GRIK1: variants seen among roughly 807,000 people sequenced by gnomAD.
The protein encoded by GRIK1 is glutamate receptor ionotropic, kainate 1.
GRIK1 carries 69 observed loss-of-function variants against 105.7 expected under a neutral mutation model. The observed-to-expected ratio is 0.65, with a 90% confidence interval of 0.54 to 0.80. The LOEUF (loss-of-function observed/expected upper bound fraction) is 0.80, where lower values mean the gene tolerates loss of function less well. GRIK1 is among the 30% of genes least tolerant of loss of function. The pLI is 0.00. For missense variants in GRIK1, 1,109 were observed against 1,167.3 expected (o/e 0.95, Z 0.73); for synonymous variants, 438 against 431.3 (o/e 1.02, Z -0.19).
At chr21:29,675,366 C>G (rs1370270732) in intron 3 of GRIK1, among the ~76,000 whole-genome samples, 1 of 151,568 alleles carries the variant, frequency 6.6e-6, no homozygotes, top group Non-Finnish European at 1.5e-5. Flanking sequence ...TTTGCAATCA[C>G]ATAGATTTTT....
intron 7 of GRIK1, among the ~76,000 whole-genome samples, chr21:29,601,427 T>C (rs1473831807): frequency 1.3e-5 from 2 of 152,204 alleles, no homozygotes; most frequent in South Asian, 2.1e-4. Context: ...TTTGTATATA[T>C]ATCCTATTGT....
chr21:29,857,336 T>A (rs972656321), intron 1 of GRIK1, among the ~76,000 whole-genome samples: 1 of 152,208 alleles, frequency 6.6e-6, no homozygotes, highest in African/African-American at 2.4e-5. Flanking sequence ...TCCCATGATT[T>A]CACACTGCCT....
intron 1 of GRIK1, among the ~76,000 whole-genome samples, chr21:29,791,653 G>A (rs1257916279): frequency 6.6e-6 from 1 of 152,146 alleles, no homozygotes; most frequent in Admixed American, 6.5e-5. Flanking sequence ...TATTCTTAAG[G>A]TGGGCAGGCA....
At position 29,834,063 on chromosome 21, in the gene GRIK1, T is replaced by C. The variant is rs2067713196; in HGVS notation, c.118+105320A>G. Among the ~76,000 whole-genome samples the C allele has an allele frequency of 2.0e-5, 3 of 152,064 alleles. No homozygotes were observed. The South Asian group carries it at 6.2e-4, about 31-fold the overall frequency. Reference sequence around the variant, plus strand: ...AAGGGTTTATTGCAAACCTATCACATAGTAAACTCTTAAGGTAGGTTTATT... The same window carrying C: ...AAGGGTTTATTGCAAACCTATCACACAGTAAACTCTTAAGGTAGGTTTATT... On this transcript the variant is annotated intron_variant, in intron 1 of 17. Transcript: ENST00000327783.
chr21:29,765,284 C>A (rs1321274870), intron 1 of GRIK1, among the ~76,000 whole-genome samples: 2 of 152,026 alleles, frequency 1.3e-5, no homozygotes, highest in Non-Finnish European at 2.9e-5. Flanking sequence ...ATAAGAAAAT[C>A]TAATATGTCT....
intron 4 of GRIK1, among the ~76,000 whole-genome samples, chr21:29,667,443 AT>A (rs1289858853): frequency 6.6e-6 from 1 of 152,002 alleles, no homozygotes; most frequent in Non-Finnish European, 1.5e-5. Flanking sequence ...ATTGAAAGAG[AT>A]TTAAAAAAAA....
intron 1 of GRIK1, among the ~76,000 whole-genome samples, chr21:29,851,075 G>A (rs1239547362): frequency 6.7e-6 from 1 of 148,636 alleles, no homozygotes; most frequent in Non-Finnish European, 1.5e-5. Flanking sequence ...TTTTTCTTGA[G>A]ATGGAGTCTC....
intron 1 of GRIK1, among the ~76,000 whole-genome samples, chr21:29,732,003 G>T (rs1309197368): frequency 6.6e-6 from 1 of 152,126 alleles, no homozygotes. Context: ...ACTAGATTGT[G>T]TTCATATTTG....
intron 1 of GRIK1, among the ~76,000 whole-genome samples, chr21:29,931,690 G>A (rs1284243319): frequency 1.3e-5 from 2 of 151,860 alleles, no homozygotes; most frequent in Non-Finnish European, 2.9e-5. Context: ...TTTTTCTGAG[G>A]AGCTCTAGGT....
Position 29,788,400 on chromosome 21 carries a change from G to A in GRIK1, c.119-94337C>T, listed in dbSNP as rs531690617. ...CCAGAAGTCTTTGAGCAGGAACATAGAATCCTAGAATGGAACCTAAGGAGG... is the reference window on the plus strand; with the variant it reads ...CCAGAAGTCTTTGAGCAGGAACATAAAATCCTAGAATGGAACCTAAGGAGG... On this transcript the variant is annotated intron_variant, in intron 1 of 17. Coordinates refer to ENST00000327783, the MANE Select transcript of GRIK1 (RefSeq NM_001330994.2). Among the ~76,000 whole-genome samples the A allele has an allele frequency of 7.9e-5, 12 of 152,260 alleles. No individual in the cohort carries two copies. The South Asian group carries it at 1.7e-3, about 21-fold the overall frequency.
intron 1 of GRIK1, among the ~76,000 whole-genome samples, chr21:29,870,044 A>C (rs1354195481): frequency 6.7e-6 from 1 of 149,656 alleles, no homozygotes; most frequent in Non-Finnish European, 1.5e-5. Flanking sequence ...TTTATGCCCT[A>C]TGTTCCTCAT....
At chr21:29,819,471 T>G (rs416364) in intron 1 of GRIK1, among the ~76,000 whole-genome samples, 121,357 of 151,994 alleles carry the variant, frequency 0.8, 49,384 homozygotes, top group Non-Finnish European at 0.88. Context: ...TGTTGTGTGC[T>G]TGTGTGTCTG....
chr21:29,858,942 AATTCT>A (rs113231719), intron 1 of GRIK1, among the ~76,000 whole-genome samples: 106 of 147,858 alleles, frequency 7.2e-4, no homozygotes, highest in African/African-American at 2.6e-3. Context: ...ATACAACATA[AATTCT>A]ACATTTTTTT....
chr21:29,664,150 G>C (rs1299656580), intron 4 of GRIK1, among the ~76,000 whole-genome samples: 1 of 152,168 alleles, frequency 6.6e-6, no homozygotes. Flanking sequence ...AGGATGCAAA[G>C]TGTTAATTCT....
intron 7 of GRIK1, among the ~76,000 whole-genome samples, chr21:29,605,590 G>A (rs2061597543): frequency 6.6e-6 from 1 of 152,152 alleles, no homozygotes; most frequent in Non-Finnish European, 1.5e-5. Flanking sequence ...CCAGTGATGG[G>A]ATTGCTGGGT....
chr21:29,673,927 TA>T (rs1461837350), intron 3 of GRIK1, among the ~76,000 whole-genome samples: 1 of 152,202 alleles, frequency 6.6e-6, no homozygotes, highest in African/African-American at 2.4e-5. Context: ...CACTGTTTCC[TA>T]ATAGACATGC....
At chr21:29,661,618 A>G (rs1213595763) in intron 4 of GRIK1, among the ~76,000 whole-genome samples, 2 of 152,220 alleles carry the variant, frequency 1.3e-5, no homozygotes, top group African/African-American at 4.8e-5. Context: ...ACATGATTTT[A>G]GATCTCTGAT....
chr21:29,672,415 A>G (rs979855025), intron 4 of GRIK1, among the ~76,000 whole-genome samples: 1 of 152,042 alleles, frequency 6.6e-6, no homozygotes, highest in African/African-American at 2.4e-5. Flanking sequence ...GTCTTCATTT[A>G]TATAGGATTT....
chr21:29,553,758 C>G (rs2090181602), intron 16 of GRIK1: 3 of 1,224,020 alleles, frequency 2.5e-6, no homozygotes, highest in Admixed American at 2.3e-5. Flanking sequence ...AAATCAGAAG[C>G]AAGAATGAAT....
Sources: gnomAD v4.1 joint callset for allele counts (sites outside exome capture counted in the v4.1 genomes callset) on GRCh38, gnomAD v4.1.1 for gene constraint, MANE v1.5 for transcripts, NCBI Gene and HGNC (gene_info 2026-07-23, HGNC 2026-07-21) for gene names.